The following FBXW2 variants were observed in gnomAD, a reference collection of about 807,000 sequenced individuals.
FBXW2 encodes the protein F-box and WD repeat domain containing 2, also known as F-box/WD repeat-containing protein 2.
FBXW2 carries 12 observed loss-of-function variants against 46.0 expected under a neutral mutation model. The ratio of observed to expected loss-of-function variants is 0.26; its 90% CI spans 0.17 to 0.42. The LOEUF is 0.42. FBXW2 is among the 10% of genes least tolerant of loss of function. The pLI, the probability that FBXW2 is intolerant of heterozygous loss-of-function variation, is 1.00. For missense variants in FBXW2, 360 were observed against 537.0 expected (o/e 0.67, Z 3.26); for synonymous variants, 203 against 209.6 (o/e 0.97, Z 0.27).
intron 2 of FBXW2, among the ~76,000 whole-genome samples, chr9:120,789,904 AC>A (rs1356590786): frequency 6.6e-6 from 1 of 152,234 alleles, no homozygotes; most frequent in African/African-American, 2.4e-5. Flanking sequence ...TCAAGATAAT[AC>A]GTTTCAAGCC....
chr9:120,765,697 T>C (rs2044264303), intron 7 of FBXW2, among the ~76,000 whole-genome samples: 1 of 152,188 alleles, frequency 6.6e-6, no homozygotes, highest in Non-Finnish European at 1.5e-5. Context: ...AGCAAACAAA[T>C]GGGTTTCTCT....
intron 5 of FBXW2, among the ~76,000 whole-genome samples, chr9:120,775,576 A>C (rs1024557075): frequency 2.0e-5 from 3 of 152,180 alleles, no homozygotes; most frequent in African/African-American, 7.2e-5. Flanking sequence ...TTAATACTGC[A>C]TTTGATCCTC....
At chr9:120,765,258 C>G (rs2044255342) in intron 7 of FBXW2, among the ~76,000 whole-genome samples, 1 of 152,076 alleles carries the variant, frequency 6.6e-6, no homozygotes, top group South Asian at 2.1e-4. Context: ...CTGCACCTGG[C>G]TAATTTTTGT....
intron 6 of FBXW2, among the ~76,000 whole-genome samples, chr9:120,772,059 A>AG (rs1175697306): frequency 5.3e-5 from 7 of 133,044 alleles, no homozygotes; most frequent in African/African-American, 8.9e-5. Flanking sequence ...ACCCTGTCTC[A>AG]GAAAAAAAAA....
chr9:120,777,160 G>C (rs770924780), intron 4 of FBXW2, among the ~76,000 whole-genome samples: 1 of 152,200 alleles, frequency 6.6e-6, no homozygotes, highest in African/African-American at 2.4e-5. Context: ...GGTTCTCAAA[G>C]TTGATCAGGA....
rs1355292006 is a variant in FBXW2, at chr9:120,764,030, CACTGGTATTTGGTGGAAGTTTATAA to C, written c.*504_*528del. On this transcript the variant is annotated 3_prime_UTR_variant, in exon 8 of 8. Coordinates refer to ENST00000608872, the MANE Select transcript of FBXW2 (RefSeq NM_012164.4). ...GAACTGGAAGACAGACTTTCCTTAG[CACTGGTATTTGGTGGAAGTTTATAA>C]ACTGGTATTTGGTGGAAGTTTTAAC... The C allele has an allele frequency of 7.5e-5, 14 of 187,726 alleles. No homozygotes were observed. The highest frequency in any genetic ancestry group is 2.0e-4 in the South Asian group (1 of 5,128). 11.6% of individuals were successfully genotyped at this position (187,726 alleles called of 1,614,324 possible).
At chr9:120,789,376 T>C (rs2044787390) in intron 2 of FBXW2, among the ~76,000 whole-genome samples, 1 of 152,190 alleles carries the variant, frequency 6.6e-6, no homozygotes, top group Non-Finnish European at 1.5e-5. Flanking sequence ...AAATAATTTT[T>C]TTTAAAGTAT....
Position 120,792,954 on chromosome 9 carries a change from A to C in FBXW2, c.-21+195T>G, listed in dbSNP as rs1402390553. The C allele has an allele frequency of 2.4e-5, 37 of 1,533,656 alleles. No individual in the cohort carries two copies. The East Asian group carries it at 9.1e-4, about 38-fold the overall frequency. ...TTTGTACTTCATAAACCACCTCATC[A>C]CACTTCATCGTCTTTCAAACGTTTG... On this transcript the variant is annotated intron_variant, in intron 2 of 7. Coordinates refer to ENST00000608872, the MANE Select transcript of FBXW2 (RefSeq NM_012164.4).
rs988138635 is a variant in FBXW2, at chr9:120,760,921, A to C, written c.*3638T>G. ...ATACTAGAATGATTATATAATCCTC[A>C]TTCAAACCTCACACCAAGTGTTTTC... On this transcript the variant is annotated 3_prime_UTR_variant, in exon 8 of 8. Transcript: ENST00000608872. 6.6e-6 allele frequency: 1 copy of C among 152,250 alleles called. No individual in the cohort carries two copies. Among genetic ancestry groups the C allele is most frequent in the Non-Finnish European group, 1.5e-5 (1 of 68,046 alleles). The allele number at this position is 152,250 out of a possible 1,614,324, so 9.4% of individuals were successfully genotyped here.
intron 7 of FBXW2, among the ~76,000 whole-genome samples, chr9:120,767,968 C>CT (rs1361670799): frequency 6.6e-6 from 1 of 152,236 alleles, no homozygotes; most frequent in Non-Finnish European, 1.5e-5. Flanking sequence ...TACTTAGTCC[C>CT]TTTGAATCAG....
intron 7 of FBXW2, among the ~76,000 whole-genome samples, chr9:120,769,982 A>C (rs2044342053): frequency 6.6e-6 from 1 of 152,122 alleles, no homozygotes; most frequent in Non-Finnish European, 1.5e-5. Context: ...GGAAGACATA[A>C]ATGGGGTTGT....
intron 3 of FBXW2, among the ~76,000 whole-genome samples, chr9:120,781,922 C>G (rs1354197496): frequency 6.6e-6 from 1 of 150,728 alleles, no homozygotes; most frequent in African/African-American, 2.4e-5. Flanking sequence ...ACTTGGGAGG[C>G]TAAGACAGAA....
chr9:120,778,230 CTAAG>C (rs2044539885), intron 4 of FBXW2, 117 bp downstream of exon 4: 1 of 878,504 alleles, frequency 1.1e-6, no homozygotes, highest in Admixed American at 2.9e-5. Flanking sequence ...ACTGCAATGA[CTAAG>C]AAAGAGGGTT....
chr9:120,788,276 T>A lies in FBXW2; in HGVS notation c.-18A>T. 6.2e-7 allele frequency: 1 copy of A among 1,609,374 alleles called. No homozygotes were observed. The highest frequency in any genetic ancestry group is 8.5e-7 in the Non-Finnish European group (1 of 1,179,318). ...CTCTCCATAAGGTTATGGAAAAATT[T>A]ACCTGTGGCACATCAAAATATTGTA... On this transcript the variant is annotated splice_region_variant and 5_prime_UTR_variant, in exon 3 of 8. It removes the in-frame stop codon of an upstream open reading frame in the 5' UTR. Coordinates refer to ENST00000608872, the MANE Select transcript of FBXW2 (RefSeq NM_012164.4).
rs1042773346 is a variant in FBXW2 at position 120,761,784 on chromosome 9, C to T, written c.*2775G>A. 1 of 152,076 alleles carries T rather than the reference C, an allele frequency of 6.6e-6. No homozygotes were observed. The highest frequency in any genetic ancestry group is 1.5e-5 in the Non-Finnish European group (1 of 68,022). 9.4% of individuals were successfully genotyped at this position (152,076 alleles called of 1,614,324 possible). A position where few individuals can be genotyped will look rare whatever the true frequency, so the allele number is the denominator to read the frequency against. On this transcript the variant is annotated 3_prime_UTR_variant, in exon 8 of 8. Coordinates refer to ENST00000608872, the MANE Select transcript of FBXW2 (RefSeq NM_012164.4). The stretch of plus-strand genomic sequence containing the variant: ...GCATGATGATGCCACTGTACTCCAG[C>T]CTGTATGACAGAGCAAGACTGCCTA...
chr9:120,770,329 T>C (rs1019501759), intron 7 of FBXW2, among the ~76,000 whole-genome samples: 2 of 151,262 alleles, frequency 1.3e-5, no homozygotes, highest in South Asian at 2.1e-4. Flanking sequence ...TGAGCAGAGA[T>C]TGTGCCACTG....
rs2044160966 is a variant in FBXW2 at position 120,759,258 on chromosome 9, A to G, written c.*5301T>C. The G allele has an allele frequency of 6.6e-6, 1 of 152,254 alleles. No homozygotes were observed. Among genetic ancestry groups the G allele is most frequent in the Non-Finnish European group, 1.5e-5 (1 of 68,042 alleles). The allele number at this position is 152,254 out of a possible 1,614,324, so 9.4% of individuals were successfully genotyped here. A position where few individuals can be genotyped will look rare whatever the true frequency, so the allele number is the denominator to read the frequency against. On this transcript the variant is annotated 3_prime_UTR_variant, in exon 8 of 8. Coordinates refer to ENST00000608872, the MANE Select transcript of FBXW2 (RefSeq NM_012164.4). The stretch of plus-strand genomic sequence containing the variant: ...ACAAACAATAACTTGGGCTTGGCTA[A>G]CCAAATTTGCCTAATTGAGGGAATC...
chr9:120,771,609 G>A (rs1304218592), intron 6 of FBXW2, 92 bp from the exon 7 acceptor site: 8 of 1,152,508 alleles, frequency 6.9e-6, no homozygotes, highest in Non-Finnish European at 9.7e-6. Flanking sequence ...AAGTCAGATA[G>A]AAAGTGAAGT....
intron 5 of FBXW2, among the ~76,000 whole-genome samples, 160 bp downstream of exon 5, chr9:120,775,933 T>C (rs1163644435): frequency 5.3e-5 from 8 of 152,228 alleles, no homozygotes; most frequent in Non-Finnish European, 8.8e-5. Context: ...ATGTATTAAG[T>C]ACCTTCTACT....
Sources: allele counts gnomAD v4.1 joint callset (sites outside exome capture counted in the v4.1 genomes callset), GRCh38; gene constraint gnomAD v4.1.1; transcripts MANE v1.5; gene names NCBI Gene and HGNC (gene_info 2026-07-23, HGNC 2026-07-21).